SNAP29: variants seen among roughly 807,000 people sequenced by gnomAD.
The protein encoded by SNAP29 is synaptosome associated protein 29, also known as synaptosomal-associated protein 29.
A neutral mutation model predicts 27.9 loss-of-function variants in SNAP29; 13 were observed. That is an observed-to-expected ratio of 0.47 (90% CI 0.30 to 0.74). SNAP29 has a LOEUF of 0.74. Ranked by LOEUF, SNAP29 falls within the 30% of genes least tolerant of loss-of-function variation. The pLI is 0.06. For missense variants in SNAP29, 368 were observed against 336.5 expected, an observed-to-expected ratio of 1.09 and a Z score of -0.73; for synonymous variants, 119 against 127.1, an observed-to-expected ratio of 0.94 and a Z score of 0.43.
At chr22:20,877,601 A>T (rs1240479937) in intron 2 of SNAP29, among the ~76,000 whole-genome samples, 1 of 152,024 alleles carries the variant, frequency 6.6e-6, no homozygotes, top group East Asian at 1.9e-4. Flanking sequence ...CTATAATCCC[A>T]GCTACTCAGG....
At chr22:20,868,199 C>CT (rs1928505051) in intron 1 of SNAP29, among the ~76,000 whole-genome samples, 1 of 152,186 alleles carries the variant, frequency 6.6e-6, no homozygotes, top group South Asian at 2.1e-4. Flanking sequence ...ATTAGCAGCT[C>CT]TTTTTTCTTT....
rs536572422 is a variant in SNAP29, at chr22:20,871,654, G to A, written c.434+1121G>A. 1.4e-4 allele frequency among the ~76,000 whole-genome samples: 22 copies of A among 152,184 alleles called. No homozygotes were observed. The East Asian group carries it at 3.5e-3, about 24-fold the overall frequency. ...TCCTAGCACTTGGGGAGGCCGAGGC[G>A]GGTGGATCACCAAGTCAGGAAATCA... is the stretch of plus-strand genomic sequence containing the variant. On this transcript the variant is annotated intron_variant, in intron 2 of 4. Coordinates refer to ENST00000215730, the MANE Select transcript of SNAP29 (RefSeq NM_004782.4).
intron 1 of SNAP29, among the ~76,000 whole-genome samples, chr22:20,863,075 G>A (rs966405982): frequency 6.6e-6 from 1 of 152,200 alleles, no homozygotes; most frequent in African/African-American, 2.4e-5. Context: ...TTTTGGTGGA[G>A]ATGGGCTTTC....
rs191796472 is a variant in SNAP29 at position 20,877,292 on chromosome 22, C to T, written c.435-3757C>T. On this transcript the variant is annotated intron_variant, in intron 2 of 4. Transcript: ENST00000215730. The stretch of plus-strand genomic sequence containing the variant: ...AAAAATCAGGCCTGGCACGGTGGCT[C>T]ACGCCTGTAATCCCAGCACTTTGGG... 9.9e-4 allele frequency among the ~76,000 whole-genome samples: 150 copies of T among 152,266 alleles called. 1 individual carries two copies. The highest frequency in any genetic ancestry group is 2.6e-3 in the Admixed American group (39 of 15,286).
chr22:20,885,359 A>T (rs1232223257), intron 4 of SNAP29, among the ~76,000 whole-genome samples: 4 of 152,044 alleles, frequency 2.6e-5, no homozygotes, highest in Non-Finnish European at 5.9e-5. Flanking sequence ...ATGCACATGG[A>T]GTGTCTGTGC....
At chr22:20,871,482 TAAA>T (rs58294079) in intron 2 of SNAP29, among the ~76,000 whole-genome samples, 46 of 64,148 alleles carry the variant, frequency 7.2e-4, no homozygotes, top group African/African-American at 2.6e-3. Context: ...TCCCTGTCTC[TAAA>T]AAAAAAAAAA....
rs189510192 is a variant in SNAP29, at chr22:20,863,049, G to A, written c.237+3702G>A. ...ACTACAGGTGCACGCCACCACACTC[G>A]ACTAATTTTTGGTATTTTTGGTGGA... is the stretch of plus-strand genomic sequence containing the variant. On this transcript the variant is annotated intron_variant, in intron 1 of 4. Transcript: ENST00000215730. 1.1e-3 allele frequency among the ~76,000 whole-genome samples: 167 copies of A among 152,236 alleles called. 1 individual carries two copies. The highest frequency in any genetic ancestry group is 1.9e-3 in the Non-Finnish European group (129 of 68,020).
intron 2 of SNAP29, among the ~76,000 whole-genome samples, chr22:20,874,496 C>T (rs1442728405): frequency 6.6e-6 from 1 of 151,154 alleles, no homozygotes; most frequent in Non-Finnish European, 1.5e-5. Flanking sequence ...ATCACCTGAA[C>T]CCAGGGAGGT....
At chr22:20,874,119 C>G (rs1343088149) in intron 2 of SNAP29, among the ~76,000 whole-genome samples, 3 of 150,422 alleles carry the variant, frequency 2.0e-5, no homozygotes, top group African/African-American at 4.9e-5. Flanking sequence ...ACTAAAAATA[C>G]AAAATATTAT....
Position 20,890,500 on chromosome 22 carries a change from G to A in SNAP29, c.*2664G>A, listed in dbSNP as rs1929123348. 5.1e-6 allele frequency: 2 copies of A among 391,124 alleles called. No individual in the cohort carries two copies. Among genetic ancestry groups the A allele is most frequent in the Non-Finnish European group, 9.0e-6 (2 of 221,708 alleles). The allele number at this position is 391,124 out of a possible 1,614,324, so 24.2% of individuals were successfully genotyped here. ...TGGCTGGGCGCGGTGGCTCATGCCT[G>A]TAATCCCAGTGCTTTGGGAGGCCAA... On this transcript the variant is annotated 3_prime_UTR_variant, in exon 5 of 5. Transcript: ENST00000215730.
At chr22:20,869,819 G>A (rs1374060356) in intron 1 of SNAP29, among the ~76,000 whole-genome samples, 1 of 151,870 alleles carries the variant, frequency 6.6e-6, no homozygotes, top group African/African-American at 2.4e-5. Context: ...CGCCCAGGCT[G>A]GAGTACATTG....
At chr22:20,870,903 A>G (rs536512747) in intron 2 of SNAP29, 64 of 338,752 alleles carry the variant, frequency 1.9e-4, no homozygotes, top group African/African-American at 1.3e-3. Context: ...TCAGGATGCC[A>G]AGGTGGGTAG....
intron 1 of SNAP29, among the ~76,000 whole-genome samples, chr22:20,860,939 A>C: frequency 6.6e-6 from 1 of 150,950 alleles, no homozygotes; most frequent in East Asian, 2.0e-4. Flanking sequence ...GAGGAGGCTG[A>C]GGCAGGAGGA....
In SNAP29 at chr22:20,887,974, C is replaced by T. The variant is rs375995790; in HGVS notation, c.*138C>T. 6,307 of 871,136 alleles carry T rather than the reference C, an allele frequency of 7.2e-3. 97 individuals are homozygous for T. The highest frequency in any genetic ancestry group is 0.038 in the South Asian group (2,532 of 66,558). The allele number at this position is 871,136 out of a possible 1,614,324, so 54.0% of individuals were successfully genotyped here. A position where few individuals can be genotyped will look rare whatever the true frequency, so the allele number is the denominator to read the frequency against. On this transcript the variant is annotated 3_prime_UTR_variant, in exon 5 of 5. Coordinates refer to ENST00000215730, the MANE Select transcript of SNAP29 (RefSeq NM_004782.4). ...TGTTATAATAGAGTAGGTCTTAAGA[C>T]ATTTTTGCTGTTATAAGGAAGTGTT...
intron 2 of SNAP29, among the ~76,000 whole-genome samples, chr22:20,876,817 G>A (rs954313400): frequency 3.9e-5 from 6 of 151,990 alleles, no homozygotes; most frequent in Non-Finnish European, 8.8e-5. Flanking sequence ...TGATCTGCCC[G>A]CCTCGGCCTC....
chr22:20,886,296 A>G (rs548162405), intron 4 of SNAP29, among the ~76,000 whole-genome samples: 152 of 146,614 alleles, frequency 1.0e-3, no homozygotes, highest in African/African-American at 3.7e-3. Flanking sequence ...CTTGAAGACA[A>G]TCTTTTTATT....
intron 3 of SNAP29, among the ~76,000 whole-genome samples, chr22:20,881,540 C>G (rs1348817974): frequency 6.6e-6 from 1 of 151,666 alleles, no homozygotes; most frequent in East Asian, 1.9e-4. Context: ...AACCCTGTCT[C>G]TACTAAATAC....
At chr22:20,887,605 C>A (rs1488300956) in intron 4 of SNAP29, 74 bp from the exon 5 acceptor site, 1 of 1,535,012 alleles carries the variant, frequency 6.5e-7, no homozygotes, top group Non-Finnish European at 9.0e-7. Context: ...TCCCACTTAC[C>A]CACACCATCA....
chr22:20,870,289 G>A lies in SNAP29; in HGVS notation c.238-48G>A, dbSNP rs368618593. On this transcript the variant is annotated intron_variant, in intron 1 of 4. Transcript: ENST00000215730. ...TCCATGTGGTCCTTGACTGCCCTGG[G>A]GGAGAGTCACAGAAAGCTATAATGC... The A allele has an allele frequency of 5.6e-4, 875 of 1,575,172 alleles. 7 individuals are homozygous for A. The highest frequency in any genetic ancestry group is 1.2e-4 in the Non-Finnish European group (133 of 1,145,778).
Sources: allele counts gnomAD v4.1 joint callset (sites outside exome capture counted in the v4.1 genomes callset), GRCh38; gene constraint gnomAD v4.1.1; transcripts MANE v1.5; gene names NCBI Gene and HGNC (gene_info 2026-07-23, HGNC 2026-07-21).